GIGYF2: variants seen among roughly 807,000 people sequenced by gnomAD.
GIGYF2 encodes the protein GRB10-interacting GYF protein 2.
Under a neutral mutation model 208.1 loss-of-function variants are expected in GIGYF2, and 25 were observed. The observed-to-expected ratio is 0.12, with a 90% confidence interval of 0.09 to 0.17. The LOEUF (loss-of-function observed/expected upper bound fraction) is 0.17, where lower values mean the gene tolerates loss of function less well. GIGYF2 is among the 10% of genes least tolerant of loss of function. The pLI is 1.00. For missense variants in GIGYF2, 1,302 were observed against 1,579.4 expected, an observed-to-expected ratio of 0.82 and a Z score of 2.98; for synonymous variants, 534 against 543.8, an observed-to-expected ratio of 0.98 and a Z score of 0.25.
At chr2:232,720,564 AATATAT>A (rs61010365) in intron 2 of GIGYF2, among the ~76,000 whole-genome samples, 1 of 114,980 alleles carries the variant, frequency 8.7e-6, no homozygotes, top group South Asian at 3.3e-4. Flanking sequence ...CCAACAGTGT[AATATAT>A]ATATATATAT....
chr2:232,729,554 G>A (rs1186502323), intron 2 of GIGYF2: 3 of 1,393,462 alleles, frequency 2.2e-6, no homozygotes, highest in African/African-American at 1.4e-5. Context: ...CACATCCATG[G>A]ACTGCACATA....
rs531186746 is a variant in GIGYF2 at position 232,717,393 on chromosome 2, T to A, written c.-44+13904T>A. 4.3e-4 allele frequency among the ~76,000 whole-genome samples: 65 copies of A among 152,194 alleles called. 1 individual carries two copies. Among genetic ancestry groups the A allele is most frequent in the Non-Finnish European group, 7.9e-4 (54 of 68,030 alleles). The stretch of plus-strand genomic sequence containing the variant: ...TGAAGTTTATAGTTCAATACATTTT[T>A]ACATGTACATATACATGTATATGTA... On this transcript the variant is annotated intron_variant, in intron 2 of 28. Transcript: ENST00000373563.
intron 5 of GIGYF2, among the ~76,000 whole-genome samples, chr2:232,750,273 G>C (rs1423639964): frequency 6.6e-6 from 1 of 152,080 alleles, no homozygotes; most frequent in African/African-American, 2.4e-5. Flanking sequence ...GTGATACACA[G>C]AGGAAAATGC....
intron 5 of GIGYF2, among the ~76,000 whole-genome samples, chr2:232,751,847 G>C (rs1698345584): frequency 6.6e-6 from 1 of 152,184 alleles, no homozygotes; most frequent in Admixed American, 6.5e-5. Context: ...TGCAAATGTT[G>C]CTTGGGATCT....
At chr2:232,763,356 T>C (rs1206310833) in intron 8 of GIGYF2, among the ~76,000 whole-genome samples, 2 of 152,164 alleles carry the variant, frequency 1.3e-5, no homozygotes, top group African/African-American at 4.8e-5. Context: ...GGGAGATACA[T>C]TTCAAGACCC....
chr2:232,827,987 TTTTC>T (rs2106404324), intron 21 of GIGYF2, among the ~76,000 whole-genome samples: 1 of 151,352 alleles, frequency 6.6e-6, no homozygotes, highest in South Asian at 2.1e-4. Flanking sequence ...GAGCCTTTTC[TTTTC>T]TTTTTCTTTT....
chr2:232,784,382 A>ATTTTTTTTTTT (rs1360964345), intron 8 of GIGYF2, among the ~76,000 whole-genome samples: 15 of 70,404 alleles, frequency 2.1e-4, no homozygotes, highest in East Asian at 5.9e-4. Context: ...ACACGAAATA[A>ATTTTTTTTTTT]TTTCTTTTTT....
chr2:232,833,766 T>G (rs1453503288), intron 22 of GIGYF2, among the ~76,000 whole-genome samples: 2 of 152,114 alleles, frequency 1.3e-5, no homozygotes, highest in Non-Finnish European at 1.5e-5. Flanking sequence ...AACGTTCAGA[T>G]GTGTAAATGG....
chr2:232,798,717 C>G (rs926082054), intron 14 of GIGYF2, among the ~76,000 whole-genome samples: 1 of 151,716 alleles, frequency 6.6e-6, no homozygotes, highest in African/African-American at 2.4e-5. Context: ...TATTTGTCCT[C>G]TTCATTCAAG....
chr2:232,772,564 G>T (rs1039328555), intron 8 of GIGYF2, among the ~76,000 whole-genome samples: 2 of 152,212 alleles, frequency 1.3e-5, no homozygotes, highest in Non-Finnish European at 1.5e-5. Flanking sequence ...TCTCAAGGTG[G>T]TGAGTAGAAA....
chr2:232,801,091 G>T (rs1177107694), intron 14 of GIGYF2, among the ~76,000 whole-genome samples: 1 of 152,126 alleles, frequency 6.6e-6, no homozygotes, highest in Non-Finnish European at 1.5e-5. Flanking sequence ...ACAAATTCTT[G>T]CTATGTTGAC....
intron 2 of GIGYF2, among the ~76,000 whole-genome samples, chr2:232,733,738 C>T (rs1697608237): frequency 6.6e-6 from 1 of 152,192 alleles, no homozygotes; most frequent in Non-Finnish European, 1.5e-5. Flanking sequence ...AACCTATGTA[C>T]ATACTTCTAT....
chr2:232,777,830 A>G (rs1308039620), intron 8 of GIGYF2, among the ~76,000 whole-genome samples: 2 of 152,224 alleles, frequency 1.3e-5, no homozygotes, highest in Non-Finnish European at 2.9e-5. Flanking sequence ...CAAATTGCAG[A>G]AAAACAGAAC....
chr2:232,716,374 G>GTTTT (rs397988241), intron 2 of GIGYF2, among the ~76,000 whole-genome samples: 25 of 100,266 alleles, frequency 2.5e-4, no homozygotes, highest in South Asian at 7.0e-4. Context: ...GGTGTTATTT[G>GTTTT]TTTTTTTTTT....
In GIGYF2 at chr2:232,813,192, T is replaced by C. The variant is rs1048111560; in HGVS notation, c.2107+701T>C. Among the ~76,000 whole-genome samples the C allele has an allele frequency of 8.1e-5, 12 of 147,458 alleles. No individual in the cohort carries two copies. The South Asian group carries it at 8.4e-4, about 10-fold the overall frequency. On this transcript the variant is annotated intron_variant, in intron 18 of 28. Transcript: ENST00000373563. Reference sequence around the variant, plus strand: ...CACCGCTGTTTCTTTGCTTTCTTTTTTTTTTTTTTTTTTTTGAGACAGACT... The same window carrying C: ...CACCGCTGTTTCTTTGCTTTCTTTTCTTTTTTTTTTTTTTTGAGACAGACT...
chr2:232,745,188 A>G (rs1396406414), intron 3 of GIGYF2, among the ~76,000 whole-genome samples: 1 of 152,076 alleles, frequency 6.6e-6, no homozygotes, highest in Non-Finnish European at 1.5e-5. Context: ...ATGGGGGTTG[A>G]ACTAAATGAC....
At chr2:232,848,293 C>T (rs1702085220) in intron 27 of GIGYF2, among the ~76,000 whole-genome samples, 1 of 152,178 alleles carries the variant, frequency 6.6e-6, no homozygotes, top group Non-Finnish European at 1.5e-5. Flanking sequence ...ACCTCACAGC[C>T]TTCCTGTGCT....
chr2:232,777,858 C>G (rs928325943), intron 8 of GIGYF2, among the ~76,000 whole-genome samples: 9 of 152,130 alleles, frequency 5.9e-5, no homozygotes, highest in African/African-American at 2.2e-4. Context: ...CAACAAAATA[C>G]TAGAACAAGT....
intron 8 of GIGYF2, among the ~76,000 whole-genome samples, chr2:232,778,444 C>T (rs1218318693): frequency 6.6e-6 from 1 of 152,212 alleles, no homozygotes. Flanking sequence ...GTGATTCCTA[C>T]TGCTGTGAAT....
Sources: allele counts gnomAD v4.1 joint callset (sites outside exome capture counted in the v4.1 genomes callset), GRCh38; gene constraint gnomAD v4.1.1; transcripts MANE v1.5; gene names NCBI Gene and HGNC (gene_info 2026-07-23, HGNC 2026-07-21).